GSE1: variants seen among roughly 807,000 people sequenced by gnomAD.
GSE1 encodes the protein genetic suppressor element 1.
In GSE1, 32 loss-of-function variants were observed where a neutral mutation model predicts 112.6. That is an observed-to-expected ratio of 0.28 (90% CI 0.21 to 0.38). The LOEUF (loss-of-function observed/expected upper bound fraction) is 0.38, where lower values mean the gene tolerates loss of function less well. Among genes scored for constraint, GSE1 ranks in the 10% least tolerant of loss-of-function variants. GSE1 has a pLI of 1.00. For synonymous variants in GSE1, 1,115 were observed against 735.6 expected, an observed-to-expected ratio of 1.52 and a Z score of -8.35; for missense variants, 2,348 against 1,699.2, an observed-to-expected ratio of 1.38 and a Z score of -6.71.
At chr16:85,204,752 C>T in intron 1 of GSE1, among the ~76,000 whole-genome samples, 1 of 152,246 alleles carries the variant, frequency 6.6e-6, no homozygotes, top group East Asian at 1.9e-4. Context: ...CAGCAGCAAG[C>T]TGAGCTCACA....
intron 1 of GSE1, among the ~76,000 whole-genome samples, chr16:85,338,854 A>C (rs1395776860): frequency 6.6e-6 from 1 of 152,250 alleles, no homozygotes; most frequent in Non-Finnish European, 1.5e-5. Context: ...TGTGATGGAC[A>C]GGTGCTGCTG....
chr16:85,177,375 C>T (rs1336119901), intron 1 of GSE1, among the ~76,000 whole-genome samples: 1 of 152,220 alleles, frequency 6.6e-6, no homozygotes, highest in African/African-American at 2.4e-5. Context: ...CGCCTCAGGT[C>T]CCCCTTCTAG....
chr16:85,627,920 A>G (rs2049215409), intron 1 of GSE1, among the ~76,000 whole-genome samples: 1 of 152,198 alleles, frequency 6.6e-6, no homozygotes, highest in Non-Finnish European at 1.5e-5. Flanking sequence ...GACCTCAGCC[A>G]GAGAACACCT....
At chr16:85,503,505 A>G (rs1180547029) in intron 2 of GSE1, among the ~76,000 whole-genome samples, 2 of 152,186 alleles carry the variant, frequency 1.3e-5, no homozygotes, top group African/African-American at 2.4e-5. Flanking sequence ...CAGCTGTGAG[A>G]CACGGCGAGG....
chr16:85,423,157 C>G (rs537904990), intron 2 of GSE1, among the ~76,000 whole-genome samples: 1 of 152,356 alleles, frequency 6.6e-6, no homozygotes, highest in Admixed American at 6.5e-5. Flanking sequence ...TGAGCGAAAC[C>G]TTCTCTGCTC....
chr16:85,439,122 G>C (rs1413605331), intron 2 of GSE1, among the ~76,000 whole-genome samples: 1 of 152,242 alleles, frequency 6.6e-6, no homozygotes, highest in African/African-American at 2.4e-5. Flanking sequence ...GGGTCATTCA[G>C]CAGCCACTCT....
intron 1 of GSE1, among the ~76,000 whole-genome samples, chr16:85,282,622 C>T (rs190569809): frequency 1.6e-4 from 24 of 152,298 alleles, no homozygotes; most frequent in African/African-American, 5.5e-4. Context: ...AGGAGCTGCT[C>T]GTTAAAAGCT....
At chr16:85,545,197 A>C (rs895047687) in intron 2 of GSE1, among the ~76,000 whole-genome samples, 1 of 152,242 alleles carries the variant, frequency 6.6e-6, no homozygotes, top group Admixed American at 6.5e-5. Flanking sequence ...TGGCCTGGGC[A>C]GTCCCCAACA....
At chr16:85,335,437 C>A (rs971019131) in intron 1 of GSE1, among the ~76,000 whole-genome samples, 3 of 152,230 alleles carry the variant, frequency 2.0e-5, no homozygotes, top group Admixed American at 6.5e-5. Context: ...TAGCGCGGAG[C>A]CGGGAGTGGG....
intron 2 of GSE1, among the ~76,000 whole-genome samples, chr16:85,646,151 CT>C (rs1258267146): frequency 8.7e-5 from 11 of 126,792 alleles, no homozygotes; most frequent in African/African-American, 1.3e-4. Context: ...ATTCTACCTG[CT>C]TCTACCACGC....
chr16:85,279,391 G>A (rs147606828), intron 1 of GSE1, among the ~76,000 whole-genome samples: 121 of 152,302 alleles, frequency 7.9e-4, no homozygotes, highest in African/African-American at 2.8e-3. Context: ...CGGATCACTT[G>A]AGCCCAGGAG....
At chr16:85,174,682 C>G (rs923597530) in intron 1 of GSE1, among the ~76,000 whole-genome samples, 1 of 152,078 alleles carries the variant, frequency 6.6e-6, no homozygotes, top group Non-Finnish European at 1.5e-5. Context: ...GGAGCCACTT[C>G]CAGCAGAGCA....
intron 1 of GSE1, among the ~76,000 whole-genome samples, chr16:85,630,842 C>G (rs571942680): frequency 6.6e-6 from 1 of 152,160 alleles, no homozygotes; most frequent in African/African-American, 2.4e-5. Context: ...GTTTCCCCAT[C>G]TGTACGCTAG....
At chr16:85,495,962 G>C (rs553722093) in intron 2 of GSE1, among the ~76,000 whole-genome samples, 3 of 152,180 alleles carry the variant, frequency 2.0e-5, no homozygotes, top group Non-Finnish European at 4.4e-5. Flanking sequence ...AGCATCCCTC[G>C]GTCTCAGACT....
intron 1 of GSE1, among the ~76,000 whole-genome samples, chr16:85,587,442 A>G (rs3923503): frequency 0.12 from 17,633 of 152,164 alleles, 3,332 homozygotes; most frequent in African/African-American, 0.4. Context: ...TGATCACGGC[A>G]GTGTGCATGT....
intron 2 of GSE1, among the ~76,000 whole-genome samples, chr16:85,462,619 T>C (rs1045308433): frequency 1.3e-5 from 2 of 149,326 alleles, no homozygotes; most frequent in African/African-American, 4.9e-5. Context: ...CTCAGCAGTC[T>C]TGACAAGCGC....
At chr16:85,455,756 G>A (rs2049809411) in intron 2 of GSE1, among the ~76,000 whole-genome samples, 1 of 152,238 alleles carries the variant, frequency 6.6e-6, no homozygotes, top group East Asian at 1.9e-4. Flanking sequence ...TTTCTGACAA[G>A]CTTGGGGGGA....
At chr16:85,422,896 G>A (rs549988779) in intron 2 of GSE1, among the ~76,000 whole-genome samples, 147 of 152,274 alleles carry the variant, frequency 9.7e-4, no homozygotes, top group Non-Finnish European at 1.8e-3. Context: ...GGGTGGGGCC[G>A]CACCCCGCTT....
chr16:85,624,580 G>T (rs754481676), intron 1 of GSE1, among the ~76,000 whole-genome samples: 1 of 152,320 alleles, frequency 6.6e-6, no homozygotes, highest in Admixed American at 6.5e-5. Flanking sequence ...CAATCTCTTC[G>T]CACATTAAAG....
Sources: allele counts gnomAD v4.1 joint callset (sites outside exome capture counted in the v4.1 genomes callset), GRCh38; gene constraint gnomAD v4.1.1; transcripts MANE v1.5; gene names NCBI Gene and HGNC (gene_info 2026-07-23, HGNC 2026-07-21).